The following BBS9 variants were observed in gnomAD, a reference collection of about 807,000 sequenced individuals.
The protein encoded by BBS9 is protein PTHB1.
A neutral mutation model predicts 117.7 loss-of-function variants in BBS9; 89 were observed. That is an observed-to-expected ratio of 0.76 (90% CI 0.64 to 0.90). The LOEUF (loss-of-function observed/expected upper bound fraction) is 0.90. Among genes scored for constraint, BBS9 ranks in the 40% least tolerant of loss-of-function variants. The pLI, the probability that BBS9 is intolerant of heterozygous loss-of-function variation, is 0.00. For missense variants in BBS9, 982 were observed against 1,042.2 expected (o/e 0.94, Z 0.80); for synonymous variants, 379 against 370.9 (o/e 1.02, Z -0.25).
chr7:33,630,298 TAAATG>T (rs1182187931), intron 21 of BBS9, among the ~76,000 whole-genome samples: 1 of 152,070 alleles, frequency 6.6e-6, no homozygotes, highest in African/African-American at 2.4e-5. Context: ...GAACAAAAAA[TAAATG>T]AGGTGCGAAA....
chr7:33,175,325 C>A (rs919916718), intron 4 of BBS9, among the ~76,000 whole-genome samples: 12 of 150,760 alleles, frequency 8.0e-5, no homozygotes, highest in African/African-American at 2.7e-4. Context: ...AAAAAAAAAA[C>A]AACAAAACTA....
At position 33,340,899 on chromosome 7, in the gene BBS9, G is replaced by A. The variant is rs1563026668; in HGVS notation, c.1201G>A (p.Val401Ile). ...IIKDVNKSQG[V>I]WPMTEREDDL... The stretch of plus-strand genomic sequence containing the variant: ...ATTTTTCTTTTTTTAAATCACAGGT[G>A]TTTGGCCCATGACTGAGAGAGAAGA... The change falls in exon 11 of 23, where the codon GTT becomes ATT. Residue 401 changes from valine to isoleucine, a missense_variant and splice_region_variant. By Grantham distance (29) the Val-to-Ile change is conservative. Transcript: ENST00000242067. 6.2e-7 allele frequency: 1 copy of A among 1,612,896 alleles called. No individual in the cohort carries two copies. Among genetic ancestry groups the A allele is most frequent in the Non-Finnish European group, 8.5e-7 (1 of 1,179,268 alleles).
intron 5 of BBS9, among the ~76,000 whole-genome samples, chr7:33,256,714 A>G (rs1479489590): frequency 6.6e-6 from 1 of 152,174 alleles, no homozygotes; most frequent in East Asian, 1.9e-4. Context: ...TATGAGCTAG[A>G]GATGACAAGG....
intron 19 of BBS9, among the ~76,000 whole-genome samples, chr7:33,424,748 G>A (rs939822383): frequency 6.6e-6 from 1 of 151,784 alleles, no homozygotes; most frequent in Non-Finnish European, 1.5e-5. Context: ...ACTGATGGCC[G>A]TATAATTATA....
At chr7:33,327,163 G>A (rs1813027786) in intron 9 of BBS9, among the ~76,000 whole-genome samples, 1 of 152,052 alleles carries the variant, frequency 6.6e-6, no homozygotes, top group South Asian at 2.1e-4. Flanking sequence ...CCTACCACTT[G>A]GATGGACAAT....
chr7:33,438,013 A>C (rs1279197889), intron 19 of BBS9, among the ~76,000 whole-genome samples: 1 of 152,218 alleles, frequency 6.6e-6, no homozygotes, highest in Non-Finnish European at 1.5e-5. Flanking sequence ...TCTCTTTCGT[A>C]ATTCTAACTC....
chr7:33,349,333 G>T, intron 13 of BBS9, 163 bp downstream of exon 13: 1 of 663,514 alleles, frequency 1.5e-6, no homozygotes, highest in Non-Finnish European at 2.8e-6. Flanking sequence ...CTTAGCATCA[G>T]CATGAACGTT....
chr7:33,435,234 A>G (rs1255473735), intron 19 of BBS9, among the ~76,000 whole-genome samples: 1 of 152,170 alleles, frequency 6.6e-6, no homozygotes, highest in Non-Finnish European at 1.5e-5. Context: ...AAGGAAGCAT[A>G]GGGATTATCA....
intron 3 of BBS9, among the ~76,000 whole-genome samples, chr7:33,153,209 C>G (rs1215863071): frequency 6.6e-6 from 1 of 152,112 alleles, no homozygotes; most frequent in Non-Finnish European, 1.5e-5. Context: ...ATAACCATTA[C>G]TTTTTGGTTC....
intron 19 of BBS9, among the ~76,000 whole-genome samples, chr7:33,503,358 G>C (rs1585046683): frequency 6.6e-6 from 1 of 152,242 alleles, no homozygotes; most frequent in East Asian, 1.9e-4. Flanking sequence ...TAAGTCGCAG[G>C]GGAGATGTGA....
intron 19 of BBS9, among the ~76,000 whole-genome samples, chr7:33,439,991 T>C (rs1835922319): frequency 6.6e-6 from 1 of 152,220 alleles, no homozygotes; most frequent in Admixed American, 6.5e-5. Context: ...TCTAGAGCAG[T>C]ACACTGTATA....
At chr7:33,326,858 C>G (rs574916266) in intron 9 of BBS9, among the ~76,000 whole-genome samples, 1 of 151,792 alleles carries the variant, frequency 6.6e-6, no homozygotes, top group Non-Finnish European at 1.5e-5. Context: ...ATCCAAGTTA[C>G]AAGACAAAGT....
At chr7:33,201,784 G>A (rs747312735) in intron 5 of BBS9, among the ~76,000 whole-genome samples, 6 of 152,094 alleles carry the variant, frequency 3.9e-5, no homozygotes, top group Non-Finnish European at 7.4e-5. Flanking sequence ...AGGAAGTCGT[G>A]TCTGCTCTTT....
At chr7:33,161,322 C>T (rs1464258103) in intron 4 of BBS9, among the ~76,000 whole-genome samples, 1 of 152,218 alleles carries the variant, frequency 6.6e-6, no homozygotes, top group South Asian at 2.1e-4. Context: ...ACCCTGTGTC[C>T]AAGTGTTCTC....
At chr7:33,404,254 G>A (rs1429201629) in intron 19 of BBS9, among the ~76,000 whole-genome samples, 1 of 152,104 alleles carries the variant, frequency 6.6e-6, no homozygotes, top group Non-Finnish European at 1.5e-5. Context: ...TAGCCTTGTA[G>A]TATAGTTTGA....
chr7:33,153,269 A>G lies in BBS9; in HGVS notation c.263+418A>G, dbSNP rs147998007. 5.9e-5 allele frequency among the ~76,000 whole-genome samples: 9 copies of G among 152,294 alleles called. 1 individual carries two copies. Among genetic ancestry groups the G allele is most frequent in the East Asian group, 1.9e-4 (1 of 5,180 alleles). ...TAGTTATTTGGGGTAGAGATGCCCT[A>G]TCGTTTCTTGAAAGAAGTCAGTTCA... On this transcript the variant is annotated intron_variant, in intron 3 of 22. Transcript: ENST00000242067.
At chr7:33,238,335 G>T (rs1334058077) in intron 5 of BBS9, among the ~76,000 whole-genome samples, 3 of 151,934 alleles carry the variant, frequency 2.0e-5, no homozygotes, top group Non-Finnish European at 4.4e-5. Flanking sequence ...TTGCTGTCCA[G>T]GCTGGAGTGC....
rs547232009 is a variant in BBS9 at position 33,543,540 on chromosome 7, A to G, written c.2521+9364A>G. On this transcript the variant is annotated intron_variant, in intron 21 of 22. Coordinates refer to ENST00000242067, the MANE Select transcript of BBS9 (RefSeq NM_198428.3). ...CGTCATGAAATCCTTGCCTAAGCCA[A>G]TGTCTAGATGTTTCTGCTGAGAAAT... Among the ~76,000 whole-genome samples, 3 of 152,334 alleles carry G rather than the reference A, an allele frequency of 2.0e-5. No individual in the cohort carries two copies. In the East Asian group the frequency reaches 5.8e-4, roughly 29 times the overall value.
At chr7:33,487,296 T>C (rs997326366) in intron 19 of BBS9, among the ~76,000 whole-genome samples, 16 of 152,212 alleles carry the variant, frequency 1.1e-4, no homozygotes, top group African/African-American at 3.9e-4. Flanking sequence ...TTATACTCTT[T>C]CCATGTAAAT....
Sources: gnomAD v4.1 joint callset for allele counts (sites outside exome capture counted in the v4.1 genomes callset) on GRCh38, gnomAD v4.1.1 for gene constraint, MANE v1.5 for transcripts, NCBI Gene and HGNC (gene_info 2026-07-23, HGNC 2026-07-21) for gene names.